DMD: variants seen among roughly 807,000 people sequenced by gnomAD.
The protein encoded by DMD is mutant dystrophin.
In DMD, 63 loss-of-function variants were observed where a neutral mutation model predicts 330.1. That is an observed-to-expected ratio of 0.19 (90% CI 0.16 to 0.24). The LOEUF (loss-of-function observed/expected upper bound fraction) is 0.24. DMD is among the 10% of genes least tolerant of loss of function. The probability of loss-of-function intolerance (pLI) is 1.00; values close to 1 mark genes in which losing one functional copy is unlikely to be tolerated. For missense variants in DMD, 3,344 were observed against 2,684.1 expected (o/e 1.25, Z -5.43); for synonymous variants, 1,223 against 959.8 (o/e 1.27, Z -5.07).
chrX:31,581,644 C>T (rs1444788343), intron 55 of DMD, among the ~76,000 whole-genome samples: 1 of 111,978 alleles, frequency 8.9e-6, no homozygotes, highest in Non-Finnish European at 1.9e-5. Flanking sequence ...TTAGAAGGCA[C>T]TACAGTGCAT....
chrX:31,308,484 T>A (rs1277717719), intron 62 of DMD, among the ~76,000 whole-genome samples: 1 of 111,950 alleles, frequency 8.9e-6, no homozygotes, highest in Non-Finnish European at 1.9e-5. Flanking sequence ...CCAAATGTAA[T>A]TTAATAAACT....
At chrX:32,849,928 T>A in intron 2 of DMD, 108 bp from the exon 3 acceptor site, 5 of 638,841 alleles carry the variant, frequency 7.8e-6, no homozygotes, top group Non-Finnish European at 1.3e-5. Flanking sequence ...ATAATTAGTG[T>A]GCATAATTAA....
chrX:32,456,447 C>T (rs966547185), intron 25 of DMD, among the ~76,000 whole-genome samples: 1 of 111,045 alleles, frequency 9.0e-6, no homozygotes, highest in Non-Finnish European at 1.9e-5. Flanking sequence ...AATCCTGCTG[C>T]TAAATTTCTA....
chrX:31,177,440 A>G (rs1288681476), intron 71 of DMD, among the ~76,000 whole-genome samples: 7 of 111,611 alleles, frequency 6.3e-5, no homozygotes, highest in Non-Finnish European at 1.3e-4. Flanking sequence ...CATTAAAATT[A>G]TTCAACCAAA....
intron 13 of DMD, among the ~76,000 whole-genome samples, chrX:32,592,999 A>T (rs2055102233): frequency 8.9e-6 from 1 of 112,903 alleles, no homozygotes; most frequent in African/African-American, 3.2e-5. Flanking sequence ...CACAGTGGCC[A>T]GGCCTCATGC....
At chrX:32,560,830 A>G (rs1447875649) in intron 16 of DMD, among the ~76,000 whole-genome samples, 1 of 112,028 alleles carries the variant, frequency 8.9e-6, no homozygotes, top group African/African-American at 3.2e-5. Flanking sequence ...TTCTTTATCC[A>G]GTCTATCATT....
At chrX:31,219,783 C>T (rs758344260) in intron 64 of DMD, among the ~76,000 whole-genome samples, 5 of 108,573 alleles carry the variant, frequency 4.6e-5, no homozygotes, top group South Asian at 8.3e-4. Flanking sequence ...AAAAAATCCA[C>T]GTAAGTTGAC....
At chrX:32,935,088 C>G (rs922776654) in intron 2 of DMD, among the ~76,000 whole-genome samples, 1 of 112,569 alleles carries the variant, frequency 8.9e-6, no homozygotes, top group African/African-American at 3.2e-5. Flanking sequence ...ACGCCATTCT[C>G]CTGCCTCAGC....
At position 32,380,862 on chromosome X, in the gene DMD, G is replaced by T. The variant is rs757038044; in HGVS notation, c.4675-182C>A. On this transcript the variant is annotated intron_variant, in intron 33 of 78. Transcript: ENST00000357033. ...TTAAGAGTGAATAAAAACTGTCTAG[G>T]GCAGATGACATCGTTTGTCCAAAAG... Among the ~76,000 whole-genome samples the T allele has an allele frequency of 4.0e-4, 44 of 109,871 alleles. No individual in the cohort carries two copies. The Admixed American group carries it at 4.2e-3, about 10-fold the overall frequency.
At chrX:31,284,607 T>TCTTCTTCTTCTTCTTC (rs61693430) in intron 62 of DMD, among the ~76,000 whole-genome samples, 25 of 102,033 alleles carry the variant, frequency 2.5e-4, no homozygotes, top group Admixed American at 4.3e-4. Context: ...TTCTTCTTCT[T>TCTTCTTCTTCTTCTTC]TTTTTTGGCA....
At chrX:32,482,278 T>A (rs1490250258) in intron 21 of DMD, among the ~76,000 whole-genome samples, 1 of 111,438 alleles carries the variant, frequency 9.0e-6, no homozygotes, top group African/African-American at 3.3e-5. Context: ...GAAAAGTATT[T>A]TATCAACTGT....
chrX:32,185,812 G>A (rs2096943736), intron 44 of DMD, among the ~76,000 whole-genome samples: 1 of 109,969 alleles, frequency 9.1e-6, no homozygotes, highest in South Asian at 3.8e-4. Flanking sequence ...GTATAGCACA[G>A]AGACACCCCC....
intron 43 of DMD, among the ~76,000 whole-genome samples, chrX:32,218,175 A>C (rs1369830236): frequency 8.9e-6 from 1 of 111,941 alleles, no homozygotes; most frequent in Admixed American, 9.5e-5. Context: ...TTTAAAACAC[A>C]GCAACAACAA....
At chrX:32,574,358 AATT>A (rs2052772133) in intron 13 of DMD, among the ~76,000 whole-genome samples, 1 of 111,986 alleles carries the variant, frequency 8.9e-6, no homozygotes, top group African/African-American at 3.2e-5. Flanking sequence ...CAATTTTCTC[AATT>A]ATTACAAAAG....
At chrX:33,222,084 C>G (rs949142117) in intron 1 of DMD, among the ~76,000 whole-genome samples, 8 of 111,485 alleles carry the variant, frequency 7.2e-5, no homozygotes, top group South Asian at 3.7e-4. Context: ...GCCTGATACC[C>G]AAACCAGAAA....
At chrX:32,491,556 C>T in intron 19 of DMD, 38 bp from the exon 20 acceptor site, 2 of 1,170,664 alleles carry the variant, frequency 1.7e-6, no homozygotes, top group Non-Finnish European at 2.3e-6. Flanking sequence ...TCCCCTGAAC[C>T]CACAGACTGA....
intron 44 of DMD, among the ~76,000 whole-genome samples, chrX:32,124,834 A>G (rs1012695152): frequency 2.6e-4 from 29 of 110,626 alleles, no homozygotes; most frequent in African/African-American, 7.6e-4. Flanking sequence ...GTGACAACCG[A>G]TCAAGACCGG....
intron 44 of DMD, among the ~76,000 whole-genome samples, chrX:32,137,129 T>G (rs1382331334): frequency 1.8e-5 from 2 of 112,328 alleles, no homozygotes; most frequent in Non-Finnish European, 3.8e-5. Context: ...TCTATGAGGC[T>G]TATTTAGAAT....
At chrX:31,334,511 T>C (rs1477014230) in intron 61 of DMD, among the ~76,000 whole-genome samples, 1 of 111,812 alleles carries the variant, frequency 8.9e-6, no homozygotes, top group Non-Finnish European at 1.9e-5. Flanking sequence ...CACTATTTAC[T>C]ACCACTGTAG....
Sources: allele counts gnomAD v4.1 joint callset (sites outside exome capture counted in the v4.1 genomes callset), GRCh38; gene constraint gnomAD v4.1.1; transcripts MANE v1.5; gene names NCBI Gene and HGNC (gene_info 2026-07-23, HGNC 2026-07-21).